SBF2: variants seen among roughly 807,000 people sequenced by gnomAD.
The protein encoded by SBF2 is myotubularin-related protein 13.
In SBF2, 112 loss-of-function variants were observed where a neutral mutation model predicts 225.2. That is an observed-to-expected ratio of 0.50 (90% confidence interval 0.43 to 0.58). SBF2 has a LOEUF of 0.58. Among genes scored for constraint, SBF2 ranks in the 20% least tolerant of loss-of-function variants. SBF2 has a pLI of 0.00. For synonymous variants in SBF2, 763 were observed against 773.3 expected (o/e 0.99, Z 0.22); for missense variants, 1,996 against 2,206.2 (o/e 0.90, Z 1.91).
intron 2 of SBF2, among the ~76,000 whole-genome samples, chr11:10,094,266 T>C (rs1356875284): frequency 6.6e-6 from 1 of 152,094 alleles, no homozygotes; most frequent in Non-Finnish European, 1.5e-5. Context: ...GAGGTGGCAG[T>C]GAGCTGAGAT....
At chr11:10,041,452 G>A (rs10840346) in intron 3 of SBF2, among the ~76,000 whole-genome samples, 69,815 of 151,884 alleles carry the variant, frequency 0.46, 16,435 homozygotes, top group Admixed American at 0.56. Flanking sequence ...ATCAAATATC[G>A]GTTTGATTCC....
At chr11:9,931,058 T>C (rs1017840619) in intron 16 of SBF2, among the ~76,000 whole-genome samples, 3 of 152,262 alleles carry the variant, frequency 2.0e-5, no homozygotes, top group African/African-American at 4.8e-5. Context: ...GGGAGGGGCA[T>C]CTGCCATTGC....
At chr11:10,020,392 G>C (rs954480477) in intron 6 of SBF2, among the ~76,000 whole-genome samples, 1 of 152,042 alleles carries the variant, frequency 6.6e-6, no homozygotes, top group Non-Finnish European at 1.5e-5. Flanking sequence ...TGTATGCAGA[G>C]AGCCTACCTC....
intron 16 of SBF2, among the ~76,000 whole-genome samples, chr11:9,921,064 CT>C (rs34959264): frequency 0.33 from 28,497 of 85,794 alleles, 2,200 homozygotes; most frequent in African/African-American, 0.38. Context: ...CTGAAAACTT[CT>C]TTTTTTTTTT....
At chr11:10,177,578 A>G (rs1355313400) in intron 2 of SBF2, among the ~76,000 whole-genome samples, 1 of 148,664 alleles carries the variant, frequency 6.7e-6, no homozygotes, top group Non-Finnish European at 1.5e-5. Context: ...ATCATGAGTG[A>G]ACTCCCATTC....
chr11:9,991,397 T>C (rs2134466119), intron 12 of SBF2, among the ~76,000 whole-genome samples: 1 of 152,288 alleles, frequency 6.6e-6, no homozygotes, highest in Non-Finnish European at 1.5e-5. Flanking sequence ...AAATAAAAGA[T>C]CCTTCTCCTC....
At chr11:9,823,565 T>C (rs2133922363) in intron 28 of SBF2, among the ~76,000 whole-genome samples, 1 of 151,686 alleles carries the variant, frequency 6.6e-6, no homozygotes, top group South Asian at 2.1e-4. Context: ...CAGTGGTATC[T>C]AACTCTGGAA....
intron 2 of SBF2, among the ~76,000 whole-genome samples, chr11:10,076,292 G>T (rs767696626): frequency 6.6e-6 from 1 of 152,214 alleles, no homozygotes. Flanking sequence ...ATGCACTCCC[G>T]TCTCCAACTA....
At chr11:10,042,684 T>C (rs1436155454) in intron 3 of SBF2, among the ~76,000 whole-genome samples, 160 bp downstream of exon 3, 2 of 152,354 alleles carry the variant, frequency 1.3e-5, no homozygotes, top group African/African-American at 4.8e-5. Context: ...AATTTTAACA[T>C]GTTGCTCTCC....
intron 26 of SBF2, chr11:9,838,397 A>G (rs1378541683): frequency 2.0e-5 from 3 of 152,152 alleles, no homozygotes; most frequent in Admixed American, 6.5e-5. Flanking sequence ...CATAATTTTG[A>G]TAGCAAACTT....
chr11:9,832,813 G>A (rs562553155), intron 26 of SBF2, among the ~76,000 whole-genome samples: 31 of 152,312 alleles, frequency 2.0e-4, no homozygotes, highest in African/African-American at 7.5e-4. Context: ...TCCCTAGATG[G>A]TGAAAATAGC....
At chr11:9,926,133 C>T (rs1258661557) in intron 16 of SBF2, among the ~76,000 whole-genome samples, 1 of 152,114 alleles carries the variant, frequency 6.6e-6, no homozygotes, top group Non-Finnish European at 1.5e-5. Context: ...TTAAGTTGTA[C>T]TTATAAAAGT....
At position 9,840,126 on chromosome 11, in the gene SBF2, C is replaced by T. The variant is rs558928354; in HGVS notation, c.3257-430G>A. ...GCAGGCACCTGTAATCCCAGCTACT[C>T]GGGAGGCTGAGGCAGGAGAATCACT... On this transcript the variant is annotated intron_variant, in intron 25 of 39. Transcript: ENST00000256190. 2.0e-5 allele frequency among the ~76,000 whole-genome samples: 3 copies of T among 151,998 alleles called. 1 individual carries two copies. Among genetic ancestry groups the T allele is most frequent in the Admixed American group, 2.0e-4 (3 of 15,280 alleles).
At chr11:9,881,516 G>A (rs956180925) in intron 17 of SBF2, among the ~76,000 whole-genome samples, 7 of 152,010 alleles carry the variant, frequency 4.6e-5, no homozygotes, top group African/African-American at 1.5e-4. Context: ...CAAATAAGGG[G>A]AAACTGTCCA....
chr11:9,809,260 G>A, intron 30 of SBF2: 1 of 403,966 alleles, frequency 2.5e-6, no homozygotes, highest in Non-Finnish European at 4.6e-6. Flanking sequence ...GAGGTTCGGA[G>A]TTCGAGACCA....
intron 1 of SBF2, among the ~76,000 whole-genome samples, chr11:10,202,061 A>T (rs929840846): frequency 1.3e-5 from 2 of 152,218 alleles, no homozygotes; most frequent in African/African-American, 4.8e-5. Flanking sequence ...TACAAACTGA[A>T]ATTAAAACTA....
intron 1 of SBF2, among the ~76,000 whole-genome samples, chr11:10,259,850 AC>A: frequency 6.7e-6 from 1 of 149,088 alleles, no homozygotes; most frequent in Middle Eastern, 3.4e-3. Context: ...TACTATAATA[AC>A]AAAAAATTTA....
At chr11:10,084,993 G>A (rs1365858412) in intron 2 of SBF2, among the ~76,000 whole-genome samples, 1 of 152,106 alleles carries the variant, frequency 6.6e-6, no homozygotes, top group African/African-American at 2.4e-5. Flanking sequence ...ATATATATTA[G>A]TTGGGTGATG....
At chr11:10,018,740 A>C (rs2134586092) in intron 6 of SBF2, among the ~76,000 whole-genome samples, 1 of 152,218 alleles carries the variant, frequency 6.6e-6, no homozygotes, top group East Asian at 1.9e-4. Context: ...GTCAACAAGG[A>C]CTCAATTGGT....
Sources: gnomAD v4.1 joint callset for allele counts (sites outside exome capture counted in the v4.1 genomes callset) on GRCh38, gnomAD v4.1.1 for gene constraint, MANE v1.5 for transcripts, NCBI Gene and HGNC (gene_info 2026-07-23, HGNC 2026-07-21) for gene names.